The following KMT2A variants were observed in gnomAD, a reference collection of about 807,000 sequenced individuals.
KMT2A encodes lysine methyltransferase 2A, also known as histone-lysine N-methyltransferase 2A.
In KMT2A, 16 loss-of-function variants were observed where a neutral mutation model predicts 345.3. The ratio of observed to expected loss-of-function variants is 0.05; its 90% CI spans 0.03 to 0.07. The LOEUF (loss-of-function observed/expected upper bound fraction) is 0.07. KMT2A is among the 10% of genes least tolerant of loss of function. The pLI is 1.00. For synonymous variants in KMT2A, 1,599 were observed against 1,778.6 expected (o/e 0.90, Z 2.54); for missense variants, 3,272 against 4,841.6 (o/e 0.68, Z 9.62).
intron 1 of KMT2A, among the ~76,000 whole-genome samples, chr11:118,453,610 TC>T (rs1180339561): frequency 1.3e-5 from 2 of 152,200 alleles, no homozygotes; most frequent in African/African-American, 4.8e-5. Context: ...GAAATCTTTT[TC>T]TCTAACACTG....
intron 5 of KMT2A, among the ~76,000 whole-genome samples, chr11:118,478,615 CT>C (rs1241193380): frequency 6.6e-6 from 1 of 152,192 alleles, no homozygotes; most frequent in East Asian, 1.9e-4. Flanking sequence ...TACTTAAAAC[CT>C]GACAACTTTA....
Position 118,494,863 on chromosome 11 carries a change from A to G in KMT2A, c.5363+96A>G. Reference sequence around the variant, plus strand: ...TTGCAGTTTTCCAAAAGGTTTTAATACTAGAAATGAATTGGTTGAAATGCC... The same window carrying G: ...TTGCAGTTTTCCAAAAGGTTTTAATGCTAGAAATGAATTGGTTGAAATGCC... On this transcript the variant is annotated intron_variant, in intron 18 of 35. Coordinates refer to ENST00000534358, the MANE Select transcript of KMT2A (RefSeq NM_001197104.2). The surrounding 1 kb of genome is among the most constrained non-coding windows in gnomAD (Gnocchi z 5.8). 1.1e-6 allele frequency: 1 copy of G among 936,734 alleles called. No individual in the cohort carries two copies. The highest frequency in any genetic ancestry group is 1.5e-5 in the South Asian group (1 of 68,236). The allele number at this position is 936,734 out of a possible 1,614,324, so 58.0% of individuals were successfully genotyped here.
In KMT2A at chr11:118,510,493, T is replaced by C. The variant is rs1950664688; in HGVS notation, c.11071+375T>C. 6.6e-6 allele frequency among the ~76,000 whole-genome samples: 1 copy of C among 152,050 alleles called. No homozygotes were observed. Among genetic ancestry groups the C allele is most frequent in the Non-Finnish European group, 1.5e-5 (1 of 68,004 alleles). On this transcript the variant is annotated intron_variant, in intron 30 of 35. Transcript: ENST00000534358. The surrounding 1 kb of genome is among the most constrained non-coding windows in gnomAD (Gnocchi z 4.1). ...CCTGGAGTTCTCTCCCTGCCCTCAA[T>C]CACCTGGTGAGCTCCAGCTCACCCT...
intron 23 of KMT2A, 127 bp downstream of exon 23, chr11:118,499,547 G>T: frequency 1.4e-6 from 1 of 726,640 alleles, no homozygotes; most frequent in Non-Finnish European, 2.5e-6. Context: ...ACTTTGGGAG[G>T]CTGAGGCGGG....
rs1565295045 is a variant in KMT2A, at chr11:118,493,047, C to CT, written c.5005-9dup. Reference sequence around the variant, plus strand: ...GTTAGATAAAAGCAACATATCTTTCCTGGCAATAGGCTGCCAAGCCTCCAG... The same window carrying CT: ...GTTAGATAAAAGCAACATATCTTTCCTTGGCAATAGGCTGCCAAGCCTCCAG... On this transcript the variant is annotated splice_polypyrimidine_tract_variant and intron_variant, in intron 15 of 35. Transcript: ENST00000534358. This position sits in a 1 kb window ranked among gnomAD's most constrained non-coding sequence, Gnocchi z 5.8. 3 of 1,609,846 alleles carry CT rather than the reference C, an allele frequency of 1.9e-6. No individual in the cohort carries two copies. Among genetic ancestry groups the CT allele is most frequent in the Non-Finnish European group, 1.7e-6 (2 of 1,177,708 alleles).
Position 118,471,903 on chromosome 11 carries a change from CAAAG to C in KMT2A, c.747_750del (p.Glu250IlefsTer3). On this transcript the variant is annotated frameshift_variant, in exon 3 of 36. Transcript: ENST00000534358. LOFTEE classifies it high-confidence loss of function. ...ACATTTCAGAGTTACCAAAGGGAAA[CAAAG>C]AAGATAGCCTGAAAAAAATTAAAAG... 1 of 1,613,596 alleles carries C rather than the reference CAAAG, an allele frequency of 6.2e-7. No individual in the cohort carries two copies.
In KMT2A at chr11:118,473,515, C is replaced by A; in HGVS notation, c.2356C>A (p.Pro786Thr). The A allele has an allele frequency of 6.2e-7, 1 of 1,614,124 alleles. No individual in the cohort carries two copies. The highest frequency in any genetic ancestry group is 1.1e-5 in the South Asian group (1 of 91,082). The change falls in exon 3 of 36, where the codon CCT (proline) becomes ACT (threonine). Residue 786 changes from proline to threonine, a missense_variant. Around this residue, in one of 27 missense-constraint regions of KMT2A, gnomAD observed 209 missense variants for 237.4 expected, o/e 0.88. Coordinates refer to ENST00000534358, the MANE Select transcript of KMT2A (RefSeq NM_001197104.2). The surrounding 1 kb of genome is among the most constrained non-coding windows in gnomAD (Gnocchi z 5.2). ...VSSSLSISVS[P>T]LATSALNPTF... is the part of the protein sequence containing the mutation. ...TTCCTCGTTAAGCATTTCTGTTAGT[C>A]CTCTTGCCACTAGTGCCTTAAACCC...
At position 118,520,076 on chromosome 11, in the gene KMT2A, G is replaced by A; in HGVS notation, c.11429+12G>A. On this transcript the variant is annotated intron_variant, in intron 33 of 35. Coordinates refer to ENST00000534358, the MANE Select transcript of KMT2A (RefSeq NM_001197104.2). This position sits in a 1 kb window ranked among gnomAD's most constrained non-coding sequence, Gnocchi z 4.3. ...CTGAAGTCAGCTCGGTAAGTCTTGA[G>A]TGGGGAGCAGTCATTAGAAACTGCT... 2 of 1,568,254 alleles carry A rather than the reference G, an allele frequency of 1.3e-6. No homozygotes were observed. The highest frequency in any genetic ancestry group is 1.8e-6 in the Non-Finnish European group (2 of 1,139,056).
At chr11:118,440,635 T>G (rs1555139908) in intron 1 of KMT2A, among the ~76,000 whole-genome samples, 2 of 152,156 alleles carry the variant, frequency 1.3e-5, no homozygotes. Flanking sequence ...AAACTTTAAT[T>G]AGATACAAAT....
intron 1 of KMT2A, among the ~76,000 whole-genome samples, chr11:118,454,517 C>G (rs1555030060): frequency 6.6e-6 from 1 of 152,184 alleles, no homozygotes; most frequent in South Asian, 2.1e-4. Flanking sequence ...GCCAGATGGC[C>G]TCTGTTGAAA....
intron 31 of KMT2A, among the ~76,000 whole-genome samples, chr11:118,518,542 A>G (rs1312693477): frequency 1.3e-5 from 2 of 152,090 alleles, no homozygotes; most frequent in African/African-American, 2.4e-5. Flanking sequence ...GCACTTTGGG[A>G]AGCTGAGGCA....
In KMT2A at chr11:118,488,686, G is replaced by A. The variant is rs781937325; in HGVS notation, c.4405G>A (p.Asp1469Asn). 2.5e-6 allele frequency: 4 copies of A among 1,614,152 alleles called. No individual in the cohort carries two copies. The East Asian group carries it at 8.9e-5, about 36-fold the overall frequency. The change falls in exon 11 of 36, where the codon GAC becomes AAC. Residue 1469 changes from aspartate (D) to asparagine (N), a missense_variant. Coordinates refer to ENST00000534358, the MANE Select transcript of KMT2A (RefSeq NM_001197104.2). ...CLEENERPLE[D>N]QLENWCCRRC... ...AGAGGAGAACGAGCGCCCTCTGGAGGACCAGCTGGAAAATTGGTGTTGTCG... is the reference window on the plus strand; with the variant it reads ...AGAGGAGAACGAGCGCCCTCTGGAGAACCAGCTGGAAAATTGGTGTTGTCG...
rs1591271368 is a variant in KMT2A, at chr11:118,495,853, C to T, written c.5517C>T (p.Asp1839=). The change falls in exon 19 of 36, where the codon GAC becomes GAT. Residue 1839 remains aspartate, a synonymous_variant. Coordinates refer to ENST00000534358, the MANE Select transcript of KMT2A (RefSeq NM_001197104.2). The surrounding 1 kb of genome is among the most constrained non-coding windows in gnomAD (Gnocchi z 4.1). The part of the protein sequence containing the change: ...APKPKGPGEP[D]SPTPLHPPTP... ...AACCCAAAGGTCCTGGAGAACCAGA[C>T]TCACCAACTCCTCTGCATCCTCCTA... 2.5e-6 allele frequency: 4 copies of T among 1,614,020 alleles called. No individual in the cohort carries two copies. Among genetic ancestry groups the T allele is most frequent in the Non-Finnish European group, 8.5e-7 (1 of 1,179,968 alleles).
chr11:118,508,098 T>C (rs1039052494), intron 28 of KMT2A, among the ~76,000 whole-genome samples: 1 of 152,244 alleles, frequency 6.6e-6, no homozygotes, highest in Non-Finnish European at 1.5e-5. Context: ...AAATAATGGA[T>C]AATAGTTTCC....
At position 118,484,839 on chromosome 11, in the gene KMT2A, A is replaced by G. The variant is rs1468624918; in HGVS notation, c.4219-23A>G. Reference sequence around the variant, plus strand: ...AGTTGTGTAATTGTAAAACTTTCCTAAGTGACCTTTCTCTCTCCACAGGAG... The same window carrying G: ...AGTTGTGTAATTGTAAAACTTTCCTGAGTGACCTTTCTCTCTCCACAGGAG... On this transcript the variant is annotated intron_variant, in intron 9 of 35. Transcript: ENST00000534358. This position sits in a 1 kb window ranked among gnomAD's most constrained non-coding sequence, Gnocchi z 4.1. 2.6e-6 allele frequency: 4 copies of G among 1,526,242 alleles called. No individual in the cohort carries two copies. In the African/African-American group the frequency reaches 4.1e-5, roughly 16 times the overall value. The allele number at this position is 1,526,242 out of a possible 1,614,324, so 94.5% of individuals were successfully genotyped here.
At chr11:118,481,386 A>G (rs1204882357) in intron 6 of KMT2A, among the ~76,000 whole-genome samples, 8 of 152,220 alleles carry the variant, frequency 5.3e-5, no homozygotes, top group African/African-American at 1.9e-4. Context: ...TTCACTTAAC[A>G]TAATGTCCTC....
At chr11:118,437,078 C>T (rs1487565632) in intron 1 of KMT2A, 134 bp downstream of exon 1, 1 of 1,102,176 alleles carries the variant, frequency 9.1e-7, no homozygotes, top group Non-Finnish European at 1.2e-6. Context: ...GAATGGCTCT[C>T]CCATCTTGGG....
chr11:118,445,211 T>G (rs1949394093), intron 1 of KMT2A, among the ~76,000 whole-genome samples: 1 of 152,144 alleles, frequency 6.6e-6, no homozygotes, highest in Non-Finnish European at 1.5e-5. Flanking sequence ...GGAACCAAAT[T>G]GAAGGCCAGC....
In KMT2A at chr11:118,499,396, C is replaced by T; in HGVS notation, c.6055C>T (p.Pro2019Ser). ...AAGGAAGTTTCTCAATGGCTTGGAACCAGAAAATATCCACATGATGATTGG... is the reference window on the plus strand; with the variant it reads ...AAGGAAGTTTCTCAATGGCTTGGAATCAGAAAATATCCACATGATGATTGG... Reference protein sequence around the residue: ...LRRKFLNGLEPENIHMMIGSM... With the variant: ...LRRKFLNGLESENIHMMIGSM... Residue 2019 changes from proline to serine, a missense_variant, in exon 23 of 36, where the codon CCA (proline) becomes TCA (serine). By Grantham distance (74) the Pro-to-Ser change is moderately conservative. Around this residue, in one of 27 missense-constraint regions of KMT2A, gnomAD observed 235 missense variants for 503.4 expected, o/e 0.47. Transcript: ENST00000534358. 1 of 1,599,604 alleles carries T rather than the reference C, an allele frequency of 6.3e-7. No individual in the cohort carries two copies. Among genetic ancestry groups the T allele is most frequent in the Non-Finnish European group, 8.5e-7 (1 of 1,171,926 alleles).
Sources: allele counts gnomAD v4.1 joint callset (sites outside exome capture counted in the v4.1 genomes callset), GRCh38; gene constraint gnomAD v4.1.1; regional missense constraint gnomAD v4.1.1; non-coding constraint Gnocchi (gnomAD v3.1); transcripts MANE v1.5; gene names NCBI Gene and HGNC (gene_info 2026-07-23, HGNC 2026-07-21).